The following OLA1 variants were observed in gnomAD, a reference collection of about 807,000 sequenced individuals.
The protein encoded by OLA1 is obg-like ATPase 1.
Under a neutral mutation model 48.4 loss-of-function variants are expected in OLA1, and 14 were observed. That is an observed-to-expected ratio of 0.29 (90% CI 0.19 to 0.45). The LOEUF is 0.45. OLA1 is among the 20% of genes least tolerant of loss of function. The probability of loss-of-function intolerance (pLI) is 1.00; values close to 1 mark genes in which losing one functional copy is unlikely to be tolerated. For synonymous variants in OLA1, 127 were observed against 150.4 expected (o/e 0.84, Z 1.14); for missense variants, 325 against 467.1 (o/e 0.70, Z 2.80).
intron 4 of OLA1, among the ~76,000 whole-genome samples, chr2:174,145,542 G>A (rs1310764861): frequency 6.6e-6 from 1 of 152,164 alleles, no homozygotes; most frequent in Non-Finnish European, 1.5e-5. Context: ...TCTATGTCAA[G>A]AAGGTCTCAG....
At chr2:174,158,895 A>C (rs1686949759) in intron 4 of OLA1, among the ~76,000 whole-genome samples, 1 of 152,152 alleles carries the variant, frequency 6.6e-6, no homozygotes, top group African/African-American at 2.4e-5. Context: ...TTCATGGCAA[A>C]CTTATTCCCC....
chr2:174,241,372 C>T (rs1688997616), intron 2 of OLA1, among the ~76,000 whole-genome samples: 1 of 152,214 alleles, frequency 6.6e-6, no homozygotes, highest in Non-Finnish European at 1.5e-5. Context: ...GATAACTATA[C>T]AATGGTGATA....
At chr2:174,189,863 CAA>C (rs754785994) in intron 4 of OLA1, among the ~76,000 whole-genome samples, 3 of 55,098 alleles carry the variant, frequency 5.4e-5, no homozygotes, top group Admixed American at 2.0e-4. Flanking sequence ...ATAATCAGAG[CAA>C]AAAAAAAAAA....
intron 2 of OLA1, among the ~76,000 whole-genome samples, chr2:174,243,618 G>A (rs1406048155): frequency 6.6e-6 from 1 of 152,030 alleles, no homozygotes. Context: ...ATACCAATAA[G>A]CAAGAACGAG....
intron 7 of OLA1, among the ~76,000 whole-genome samples, chr2:174,082,311 TA>T (rs1264723789): frequency 6.6e-6 from 1 of 152,148 alleles, no homozygotes; most frequent in Non-Finnish European, 1.5e-5. Flanking sequence ...TACAAATATT[TA>T]AAAACTTTTT....
chr2:174,241,232 T>A (rs1459601707), intron 2 of OLA1, among the ~76,000 whole-genome samples: 3 of 152,182 alleles, frequency 2.0e-5, no homozygotes, highest in Non-Finnish European at 4.4e-5. Flanking sequence ...AGCCACCAGC[T>A]GAATGCAGTC....
intron 4 of OLA1, among the ~76,000 whole-genome samples, chr2:174,167,608 G>T (rs1687196222): frequency 2.0e-5 from 3 of 152,052 alleles, no homozygotes. Flanking sequence ...ATAATTATCA[G>T]TTATTCACTT....
intron 7 of OLA1, among the ~76,000 whole-genome samples, chr2:174,120,850 C>T (rs180847994): frequency 2.4e-3 from 369 of 152,262 alleles, no homozygotes; most frequent in African/African-American, 7.9e-3. Flanking sequence ...CTCCTCTCCT[C>T]TTTCTTGATG....
intron 3 of OLA1, among the ~76,000 whole-genome samples, chr2:174,228,063 T>G (rs999621981): frequency 6.6e-6 from 1 of 152,126 alleles, no homozygotes; most frequent in Non-Finnish European, 1.5e-5. Context: ...AAAGAAGAAT[T>G]TGGTGCAAGA....
chr2:174,140,556 T>C (rs1260853506), intron 5 of OLA1, among the ~76,000 whole-genome samples: 1 of 151,740 alleles, frequency 6.6e-6, no homozygotes, highest in East Asian at 1.9e-4. Context: ...TTAGTCGAGA[T>C]GGGGTTTCAC....
At chr2:174,202,231 A>G (rs115900687) in intron 4 of OLA1, among the ~76,000 whole-genome samples, 7,237 of 152,278 alleles carry the variant, frequency 0.048, 597 homozygotes, top group African/African-American at 0.17. Context: ...GTTATATGAC[A>G]CCATTCACAG....
intron 4 of OLA1, among the ~76,000 whole-genome samples, chr2:174,168,678 G>T (rs1301442212): frequency 6.6e-6 from 1 of 151,996 alleles, no homozygotes; most frequent in African/African-American, 2.4e-5. Flanking sequence ...AATGGTGGGA[G>T]AGAAGGAAGA....
rs140555543 is a variant in OLA1 at position 174,191,494 on chromosome 2, G to A, written c.373+31539C>T. ...ACAGGGTCCTGGCTCTGGCTCTGTC[G>A]CTCAGGCTGGAGTGCAGAGGTGAAA... On this transcript the variant is annotated intron_variant, in intron 4 of 10. Transcript: ENST00000284719. Among the ~76,000 whole-genome samples the A allele has an allele frequency of 7.7e-4, 116 of 149,942 alleles. 2 individuals are homozygous for A. In the East Asian group the frequency reaches 0.019, roughly 24 times the overall value.
intron 4 of OLA1, among the ~76,000 whole-genome samples, chr2:174,145,618 C>T (rs368142720): frequency 3.3e-5 from 5 of 152,168 alleles, no homozygotes; most frequent in East Asian, 1.9e-4. Flanking sequence ...CTCAGAGCTT[C>T]TAAAGAGTAA....
At chr2:174,155,867 G>C (rs1034120841) in intron 4 of OLA1, among the ~76,000 whole-genome samples, 4 of 152,170 alleles carry the variant, frequency 2.6e-5, no homozygotes, top group African/African-American at 7.2e-5. Context: ...AGAGAGTAAA[G>C]AAGAAATTCC....
At chr2:174,142,842 T>C (rs898149885) in intron 4 of OLA1, among the ~76,000 whole-genome samples, 1 of 152,136 alleles carries the variant, frequency 6.6e-6, no homozygotes, top group African/African-American at 2.4e-5. Flanking sequence ...CTAAGAAATA[T>C]TACAAACAGA....
chr2:174,123,471 A>T (rs1685967924), intron 6 of OLA1, 124 bp downstream of exon 6: 1 of 641,514 alleles, frequency 1.6e-6, no homozygotes, highest in African/African-American at 1.9e-5. Flanking sequence ...CCCAGGAATA[A>T]GCAATCACTG....
At chr2:174,198,579 G>A (rs67708058) in intron 4 of OLA1, among the ~76,000 whole-genome samples, 16,800 of 152,002 alleles carry the variant, frequency 0.11, 2,166 homozygotes, top group East Asian at 0.71. Context: ...CAAGAGTTCC[G>A]AGACCAGCCT....
intron 4 of OLA1, among the ~76,000 whole-genome samples, chr2:174,169,773 T>G (rs1185560221): frequency 1.3e-5 from 2 of 152,220 alleles, no homozygotes; most frequent in Admixed American, 6.5e-5. Context: ...CAAAAGGCTT[T>G]TTGTTTTTTC....
Sources: gnomAD v4.1 joint callset for allele counts (sites outside exome capture counted in the v4.1 genomes callset) on GRCh38, gnomAD v4.1.1 for gene constraint, MANE v1.5 for transcripts, NCBI Gene and HGNC (gene_info 2026-07-23, HGNC 2026-07-21) for gene names.